The following TNFRSF1B variants were observed in gnomAD, a reference collection of about 807,000 sequenced individuals.
TNFRSF1B encodes tumor necrosis factor receptor superfamily member 1B.
Under a neutral mutation model 44.6 loss-of-function variants are expected in TNFRSF1B, and 19 were observed. The observed-to-expected ratio is 0.43, with a 90% CI of 0.30 to 0.62. TNFRSF1B has a LOEUF of 0.62. Among genes scored for constraint, TNFRSF1B ranks in the 20% least tolerant of loss-of-function variants. The pLI is 0.16. For missense variants in TNFRSF1B, 541 were observed against 619.9 expected, an observed-to-expected ratio of 0.87 and a Z score of 1.35; for synonymous variants, 252 against 261.1, an observed-to-expected ratio of 0.97 and a Z score of 0.34.
At chr1:12,200,972 G>GT (rs1360471228) in intron 8 of TNFRSF1B, among the ~76,000 whole-genome samples, 1 of 152,048 alleles carries the variant, frequency 6.6e-6, no homozygotes, top group Non-Finnish European at 1.5e-5. Context: ...ATGAAAACCA[G>GT]TGGGGTGTGG....
At chr1:12,196,272 G>A (rs1221160320) in intron 8 of TNFRSF1B, among the ~76,000 whole-genome samples, 1 of 152,142 alleles carries the variant, frequency 6.6e-6, no homozygotes, top group East Asian at 1.9e-4. Context: ...CTGCTCTCCA[G>A]CCTGGGCAAT....
rs1205162660 is a variant in TNFRSF1B, at chr1:12,180,636, A to G, written c.79-8160A>G. Reference sequence around the variant, plus strand: ...AGTCTTGAGCGAATCTTATACCTGCAGCCCTGTCCACCAGCTGTGCTTCCT... The same window carrying G: ...AGTCTTGAGCGAATCTTATACCTGCGGCCCTGTCCACCAGCTGTGCTTCCT... On this transcript the variant is annotated intron_variant, in intron 1 of 9. Transcript: ENST00000376259. The surrounding 1 kb of genome is among the most constrained non-coding windows in gnomAD (Gnocchi z 4.3). Among the ~76,000 whole-genome samples the G allele has an allele frequency of 1.3e-5, 2 of 152,206 alleles. No homozygotes were observed. Among genetic ancestry groups the G allele is most frequent in the African/African-American group, 2.4e-5 (1 of 41,454 alleles).
Position 12,178,433 on chromosome 1 carries a change from G to C in TNFRSF1B, c.79-10363G>C, listed in dbSNP as rs1183931425. Among the ~76,000 whole-genome samples, 2 of 152,200 alleles carry C rather than the reference G, an allele frequency of 1.3e-5. No homozygotes were observed. Among genetic ancestry groups the C allele is most frequent in the Non-Finnish European group, 2.9e-5 (2 of 68,036 alleles). On this transcript the variant is annotated intron_variant, in intron 1 of 9. Coordinates refer to ENST00000376259, the MANE Select transcript of TNFRSF1B (RefSeq NM_001066.3). The surrounding 1 kb of genome is among the most constrained non-coding windows in gnomAD (Gnocchi z 4.3). ...TCGCCATTTTATAGATGATAAAGTG[G>C]AGGTGGGGGAATGGCAGAACTGGGA...
rs1217398543 is a variant in TNFRSF1B at position 12,174,035 on chromosome 1, C to T, written c.78+6866C>T. On this transcript the variant is annotated intron_variant, in intron 1 of 9. Coordinates refer to ENST00000376259, the MANE Select transcript of TNFRSF1B (RefSeq NM_001066.3). ...AGTGCGGGGGGAGGGCTGTTGGCGG[C>T]GCATCCCAGGGCTCTGGCTCTGCCC... Among the ~76,000 whole-genome samples, 9 of 152,240 alleles carry T rather than the reference C, an allele frequency of 5.9e-5. No individual in the cohort carries two copies. In the South Asian group the frequency reaches 1.4e-3, roughly 25 times the overall value.
chr1:12,182,660 G>A (rs988656151), intron 1 of TNFRSF1B, among the ~76,000 whole-genome samples: 2 of 152,222 alleles, frequency 1.3e-5, no homozygotes, highest in Non-Finnish European at 2.9e-5. Context: ...CTGTGAAATG[G>A]GGCCATTCAC....
chr1:12,206,650 C>A, intron 9 of TNFRSF1B, 90 bp from the exon 10 acceptor site: 1 of 1,400,042 alleles, frequency 7.1e-7, no homozygotes, highest in Non-Finnish European at 9.6e-7. Context: ...TGCTCTTTCC[C>A]ATGTGTCTGA....
At chr1:12,174,142 T>C (rs1395652615) in intron 1 of TNFRSF1B, among the ~76,000 whole-genome samples, 2 of 78,782 alleles carry the variant, frequency 2.5e-5, no homozygotes, top group Admixed American at 1.3e-4. Context: ...TTCTTCTTCT[T>C]CTTCTTCTTC....
chr1:12,173,513 T>C (rs977665821), intron 1 of TNFRSF1B, among the ~76,000 whole-genome samples: 7 of 152,192 alleles, frequency 4.6e-5, no homozygotes, highest in African/African-American at 1.7e-4. Flanking sequence ...ATGTCCTGCC[T>C]CTCTGCCCCT....
chr1:12,200,240 G>T (rs1476628661), intron 8 of TNFRSF1B, among the ~76,000 whole-genome samples: 3 of 152,026 alleles, frequency 2.0e-5, no homozygotes, highest in Admixed American at 2.0e-4. Context: ...ATGGCATTGG[G>T]TGGCACTCAA....
chr1:12,192,160 C>T (rs916364499), intron 4 of TNFRSF1B, among the ~76,000 whole-genome samples: 1 of 152,196 alleles, frequency 6.6e-6, no homozygotes, highest in Non-Finnish European at 1.5e-5. Context: ...TGGATCAGAC[C>T]AAGCCCTAAG....
chr1:12,191,699 G>T (rs188039160), intron 3 of TNFRSF1B, 75 bp from the exon 4 acceptor site: 4 of 1,587,254 alleles, frequency 2.5e-6, no homozygotes, highest in Non-Finnish European at 3.4e-6. Flanking sequence ...GTCTGAGAGT[G>T]CTGGGCTGTC....
chr1:12,205,908 G>C (rs575812473), intron 9 of TNFRSF1B, among the ~76,000 whole-genome samples: 1 of 152,026 alleles, frequency 6.6e-6, no homozygotes, highest in Non-Finnish European at 1.5e-5. Context: ...GATTACAGGC[G>C]TGAGCCACCC....
At chr1:12,184,809 G>C (rs1638943496) in intron 1 of TNFRSF1B, among the ~76,000 whole-genome samples, 1 of 152,210 alleles carries the variant, frequency 6.6e-6, no homozygotes, top group Non-Finnish European at 1.5e-5. Context: ...GGAGGAGTGA[G>C]GGGCTCCCCT....
At chr1:12,170,392 A>T (rs1638494573) in intron 1 of TNFRSF1B, among the ~76,000 whole-genome samples, 1 of 152,144 alleles carries the variant, frequency 6.6e-6, no homozygotes, top group Admixed American at 6.5e-5. Context: ...GTGGTTGTGG[A>T]AAGTATTCCC....
In TNFRSF1B at chr1:12,182,967, G is replaced by A. The variant is rs371107023; in HGVS notation, c.79-5829G>A. On this transcript the variant is annotated intron_variant, in intron 1 of 9. Coordinates refer to ENST00000376259, the MANE Select transcript of TNFRSF1B (RefSeq NM_001066.3). ...AAGCTCTCTGGGCCCCAAGAGAAGG[G>A]AGGCAGGATTGGGGGTGGCAAGGAT... 7.2e-5 allele frequency among the ~76,000 whole-genome samples: 11 copies of A among 152,342 alleles called. 1 individual carries two copies.
Position 12,167,051 on chromosome 1 carries a change from A to G in TNFRSF1B, c.-41A>G. 1 of 1,252,390 alleles carries G rather than the reference A, an allele frequency of 8.0e-7. No individual in the cohort carries two copies. The highest frequency in any genetic ancestry group is 1.0e-6 in the Non-Finnish European group (1 of 992,298). 77.6% of individuals were successfully genotyped at this position (1,252,390 alleles called of 1,614,324 possible). Reference sequence around the variant, plus strand: ...GAAGGCGCTGGGCTGCGAGGGCGCGAGGGCGCGAGGGCAGGGGGCAACCGG... The same window carrying G: ...GAAGGCGCTGGGCTGCGAGGGCGCGGGGGCGCGAGGGCAGGGGGCAACCGG... On this transcript the variant is annotated 5_prime_UTR_variant, in exon 1 of 10. Transcript: ENST00000376259.
chr1:12,183,788 A>AT (rs1491286493), intron 1 of TNFRSF1B, among the ~76,000 whole-genome samples: 10 of 136,972 alleles, frequency 7.3e-5, no homozygotes, highest in African/African-American at 2.1e-4. Flanking sequence ...CTATCTACCT[A>AT]CCTATCTATC....
intron 1 of TNFRSF1B, among the ~76,000 whole-genome samples, chr1:12,170,470 A>G (rs1464415090): frequency 6.6e-6 from 1 of 152,188 alleles, no homozygotes; most frequent in Non-Finnish European, 1.5e-5. Flanking sequence ...CTTACGTCAG[A>G]GGTGACCCTG....
chr1:12,201,101 A>G (rs1157658147), intron 8 of TNFRSF1B, among the ~76,000 whole-genome samples: 2 of 152,044 alleles, frequency 1.3e-5, no homozygotes, highest in Admixed American at 1.3e-4. Context: ...AACAATCGAC[A>G]ACAAAAAAAT....
Sources: gnomAD v4.1 joint callset for allele counts (sites outside exome capture counted in the v4.1 genomes callset) on GRCh38, gnomAD v4.1.1 for gene constraint, Gnocchi (gnomAD v3.1) non-coding constraint, MANE v1.5 for transcripts, NCBI Gene and HGNC (gene_info 2026-07-23, HGNC 2026-07-21) for gene names.